The following TNFRSF11A variants were observed in gnomAD, a reference collection of about 807,000 sequenced individuals.
TNFRSF11A encodes TNF receptor superfamily member 11a.
In TNFRSF11A, 32 loss-of-function variants were observed where a neutral mutation model predicts 55.7. The observed-to-expected ratio is 0.57, with a 90% CI of 0.43 to 0.77. The LOEUF is 0.77. Among genes scored for constraint, TNFRSF11A ranks in the 30% least tolerant of loss-of-function variants. The probability of loss-of-function intolerance (pLI) is 0.00; values close to 1 mark genes in which losing one functional copy is unlikely to be tolerated. For missense variants in TNFRSF11A, 753 were observed against 809.8 expected (o/e 0.93, Z 0.85); for synonymous variants, 311 against 331.0 (o/e 0.94, Z 0.65).
At position 62,385,166 on chromosome 18, in the gene TNFRSF11A, C is replaced by G. The variant is rs998517475; in HGVS notation, c.*132C>G. On this transcript the variant is annotated 3_prime_UTR_variant, in exon 10 of 10. Transcript: ENST00000586569. ...AGGAAGACCACCCGGCATTCTCTGC[C>G]CACTTTGCCTTCCAGGAAATGGGCT... 2.8e-6 allele frequency: 3 copies of G among 1,081,396 alleles called. No homozygotes were observed. The African/African-American group carries it at 5.0e-5, about 18-fold the overall frequency. 67.0% of individuals were successfully genotyped at this position (1,081,396 alleles called of 1,614,324 possible). A position where few individuals can be genotyped will look rare whatever the true frequency, so the allele number is the denominator to read the frequency against.
intron 9 of TNFRSF11A, 106 bp downstream of exon 9, chr18:62,369,590 C>T (rs1456800739): frequency 7.1e-7 from 1 of 1,412,722 alleles, no homozygotes; most frequent in Non-Finnish European, 9.7e-7. Context: ...AATGGGAAAA[C>T]CTCAGCTTGT....
intron 4 of TNFRSF11A, among the ~76,000 whole-genome samples, chr18:62,355,956 C>T (rs1359138770): frequency 6.6e-6 from 1 of 152,162 alleles, no homozygotes; most frequent in Non-Finnish European, 1.5e-5. Context: ...TTTATGTGGC[C>T]AAGCTCACCT....
chr18:62,381,501 A>C (rs1911283393), intron 9 of TNFRSF11A, among the ~76,000 whole-genome samples: 1 of 152,232 alleles, frequency 6.6e-6, no homozygotes, highest in South Asian at 2.1e-4. Flanking sequence ...CGAATTCAAA[A>C]CCATAAATCC....
chr18:62,344,960 A>G (rs2046361834), intron 1 of TNFRSF11A, among the ~76,000 whole-genome samples: 1 of 152,214 alleles, frequency 6.6e-6, no homozygotes, highest in South Asian at 2.1e-4. Context: ...CTCAAGACAG[A>G]GTCTGGGGAT....
chr18:62,350,898 C>T (rs948563428), intron 3 of TNFRSF11A, among the ~76,000 whole-genome samples: 1 of 151,914 alleles, frequency 6.6e-6, no homozygotes, highest in African/African-American at 2.4e-5. Flanking sequence ...TTGAAGAAAC[C>T]GTGATGTTAG....
intron 9 of TNFRSF11A, among the ~76,000 whole-genome samples, chr18:62,370,490 G>A (rs1910467708): frequency 6.6e-6 from 1 of 152,178 alleles, no homozygotes; most frequent in African/African-American, 2.4e-5. Flanking sequence ...GGTGCTAGCA[G>A]CCGGTCTTCG....
chr18:62,339,639 A>G (rs1251653111), intron 1 of TNFRSF11A, among the ~76,000 whole-genome samples: 2 of 152,230 alleles, frequency 1.3e-5, no homozygotes, highest in Non-Finnish European at 2.9e-5. Context: ...GACCTCATGC[A>G]GGTATGGGAG....
chr18:62,367,643 C>G (rs568860211), intron 8 of TNFRSF11A, among the ~76,000 whole-genome samples: 2 of 152,194 alleles, frequency 1.3e-5, no homozygotes, highest in South Asian at 4.2e-4. Context: ...AGAACAAAGA[C>G]ATTCTCATAT....
intron 1 of TNFRSF11A, among the ~76,000 whole-genome samples, chr18:62,345,301 A>T (rs760305755): frequency 3.2e-4 from 48 of 152,234 alleles, no homozygotes; most frequent in Non-Finnish European, 5.3e-4. Flanking sequence ...TTTGGCATGC[A>T]CCAACAACCT....
intron 7 of TNFRSF11A, among the ~76,000 whole-genome samples, chr18:62,362,386 A>G (rs1418738930): frequency 6.7e-6 from 1 of 149,348 alleles, no homozygotes; most frequent in Non-Finnish European, 1.5e-5. Flanking sequence ...GCTACTTGAG[A>G]GGCTGAGGTA....
At chr18:62,340,107 G>A (rs190885005) in intron 1 of TNFRSF11A, among the ~76,000 whole-genome samples, 2 of 152,006 alleles carry the variant, frequency 1.3e-5, no homozygotes, top group African/African-American at 4.8e-5. Context: ...TGGGAAGATT[G>A]CTTGAACCCA....
At chr18:62,372,162 T>A (rs889799076) in intron 9 of TNFRSF11A, among the ~76,000 whole-genome samples, 8 of 152,098 alleles carry the variant, frequency 5.3e-5, no homozygotes, top group Admixed American at 5.2e-4. Context: ...ATGTTATAAG[T>A]CCTAAGAAGC....
At chr18:62,352,569 C>CA (rs1223937733) in intron 3 of TNFRSF11A, among the ~76,000 whole-genome samples, 4 of 152,160 alleles carry the variant, frequency 2.6e-5, no homozygotes, top group African/African-American at 9.7e-5. Context: ...TGATTAAAGC[C>CA]AAAAATCTGG....
intron 9 of TNFRSF11A, among the ~76,000 whole-genome samples, chr18:62,377,669 C>T (rs1910991828): frequency 6.6e-6 from 1 of 152,158 alleles, no homozygotes. Flanking sequence ...TTTCATATGC[C>T]TGTTTGCCAT....
At chr18:62,353,755 G>C (rs944501827) in intron 3 of TNFRSF11A, among the ~76,000 whole-genome samples, 2 of 152,004 alleles carry the variant, frequency 1.3e-5, no homozygotes, top group East Asian at 1.9e-4. Flanking sequence ...CAATTCCCAC[G>C]TACCTGCATT....
chr18:62,377,788 T>C (rs1910999150), intron 9 of TNFRSF11A, among the ~76,000 whole-genome samples: 2 of 152,204 alleles, frequency 1.3e-5, no homozygotes, highest in African/African-American at 4.8e-5. Flanking sequence ...TTTTGGGAAA[T>C]AGTCCTTTGT....
At chr18:62,337,027 A>G (rs952059419) in intron 1 of TNFRSF11A, among the ~76,000 whole-genome samples, 1 of 152,022 alleles carries the variant, frequency 6.6e-6, no homozygotes, top group East Asian at 1.9e-4. Context: ...CAGAGGGGGA[A>G]ATGCTGATGG....
Position 62,366,697 on chromosome 18 carries a change from G to T in TNFRSF11A, c.731-11G>T. The T allele has an allele frequency of 6.2e-7, 1 of 1,614,146 alleles. No individual in the cohort carries two copies. Among genetic ancestry groups the T allele is most frequent in the Non-Finnish European group, 8.5e-7 (1 of 1,179,964 alleles). On this transcript the variant is annotated splice_polypyrimidine_tract_variant and intron_variant, in intron 7 of 9. Transcript: ENST00000586569. ...AACTTGAAGTCCTTATCCTTGCTTT[G>T]TGTTTTCTAGCTAATTTGTGGCACT...
At chr18:62,347,630 A>C (rs2046402567) in intron 1 of TNFRSF11A, among the ~76,000 whole-genome samples, 1 of 152,144 alleles carries the variant, frequency 6.6e-6, no homozygotes, top group African/African-American at 2.4e-5. Flanking sequence ...AAAGGTAAGC[A>C]GGCCGGGCGT....
Sources: allele counts gnomAD v4.1 joint callset (sites outside exome capture counted in the v4.1 genomes callset), GRCh38; gene constraint gnomAD v4.1.1; transcripts MANE v1.5; gene names NCBI Gene and HGNC (gene_info 2026-07-23, HGNC 2026-07-21).